Variants in FAM171A1 observed in about 807,000 individuals in gnomAD.
FAM171A1 encodes the protein protein FAM171A1.
FAM171A1 carries 23 observed loss-of-function variants against 74.9 expected under a neutral mutation model. The observed-to-expected ratio is 0.31, with a 90% CI of 0.22 to 0.44. FAM171A1 has a LOEUF of 0.44. Among genes scored for constraint, FAM171A1 ranks in the 20% least tolerant of loss-of-function variants. The pLI, the probability that FAM171A1 is intolerant of heterozygous loss-of-function variation, is 1.00. For missense variants in FAM171A1, 1,162 were observed against 1,159.2 expected, an observed-to-expected ratio of 1.00 and a Z score of -0.03; for synonymous variants, 527 against 505.7, an observed-to-expected ratio of 1.04 and a Z score of -0.57.
intron 1 of FAM171A1, among the ~76,000 whole-genome samples, chr10:15,314,405 T>C (rs759855323): frequency 5.3e-5 from 8 of 152,202 alleles, no homozygotes; most frequent in Non-Finnish European, 1.0e-4. Flanking sequence ...TCTATTTCTA[T>C]GTCTTTTTGA....
Position 15,214,193 on chromosome 10 carries a change from G to A in FAM171A1, c.1395C>T (p.Pro465=). ...KDYHKSVEVF[P]LKARKSMERE... is the part of the protein sequence containing the mutation. Reference sequence around the variant, plus strand: ...TTTCCATAGATTTTCTTGCCTTTAAGGGAAAAACCTCCACTGACTTATGGT... The same window carrying A: ...TTTCCATAGATTTTCTTGCCTTTAAAGGAAAAACCTCCACTGACTTATGGT... Residue 465 remains proline (P), a synonymous_variant, in exon 8 of 8, where the codon CCC becomes CCT. Coordinates refer to ENST00000378116, the MANE Select transcript of FAM171A1 (RefSeq NM_001010924.2). 6.2e-7 allele frequency: 1 copy of A among 1,614,080 alleles called. No homozygotes were observed. Among genetic ancestry groups the A allele is most frequent in the Non-Finnish European group, 8.5e-7 (1 of 1,180,018 alleles).
intron 3 of FAM171A1, among the ~76,000 whole-genome samples, chr10:15,270,246 A>C (rs1474743389): frequency 6.6e-6 from 1 of 152,220 alleles, no homozygotes; most frequent in Non-Finnish European, 1.5e-5. Context: ...TGCCTGGCTC[A>C]GAGGGTCCCA....
At chr10:15,365,052 C>T (rs1836042277) in intron 1 of FAM171A1, among the ~76,000 whole-genome samples, 1 of 152,160 alleles carries the variant, frequency 6.6e-6, no homozygotes, top group Admixed American at 6.5e-5. Context: ...GGCCATTATT[C>T]TACTACCACA....
chr10:15,246,341 G>C (rs761831302), intron 5 of FAM171A1, among the ~76,000 whole-genome samples: 19 of 152,154 alleles, frequency 1.2e-4, no homozygotes, highest in Admixed American at 4.6e-4. Context: ...GTAAAAATAA[G>C]ACAAAACAAA....
At chr10:15,299,380 G>T (rs963062586) in intron 1 of FAM171A1, among the ~76,000 whole-genome samples, 1 of 152,190 alleles carries the variant, frequency 6.6e-6, no homozygotes, top group South Asian at 2.1e-4. Flanking sequence ...AGGCACCAGT[G>T]GAACGGTTGC....
intron 1 of FAM171A1, among the ~76,000 whole-genome samples, chr10:15,304,823 G>A (rs1835274409): frequency 6.6e-6 from 1 of 152,192 alleles, no homozygotes; most frequent in Non-Finnish European, 1.5e-5. Flanking sequence ...TGCAACCTCT[G>A]CCTTCCAGGT....
At chr10:15,350,219 A>G (rs966227582) in intron 1 of FAM171A1, among the ~76,000 whole-genome samples, 4 of 152,290 alleles carry the variant, frequency 2.6e-5, no homozygotes, top group African/African-American at 9.6e-5. Flanking sequence ...AAACTTAGAC[A>G]TCTTAGTTGT....
intron 2 of FAM171A1, among the ~76,000 whole-genome samples, chr10:15,280,632 A>T (rs1194741327): frequency 6.6e-6 from 1 of 152,224 alleles, no homozygotes; most frequent in East Asian, 1.9e-4. Context: ...GTTAAGGATG[A>T]AAAAGGAAAT....
intron 5 of FAM171A1, among the ~76,000 whole-genome samples, chr10:15,238,965 CTTTAT>C (rs1309884645): frequency 2.6e-5 from 4 of 152,168 alleles, no homozygotes; most frequent in Non-Finnish European, 4.4e-5. Context: ...ATCCGTAAAT[CTTTAT>C]TTATTCTTTT....
chr10:15,214,638 T>C, intron 7 of FAM171A1, 37 bp from the exon 8 acceptor site: 1 of 1,511,628 alleles, frequency 6.6e-7, no homozygotes, highest in African/African-American at 1.4e-5. Flanking sequence ...CAAAGATTAG[T>C]GATTCTCACA....
rs1426274100 is a variant in FAM171A1 at position 15,357,823 on chromosome 10, G to A, written c.97+13133C>T. ...ATTACAGAGCCTAAGTGATGTGTAT[G>A]GGTATTCACTGCAAAATTTTTTCCG... On this transcript the variant is annotated intron_variant, in intron 1 of 7. Coordinates refer to ENST00000378116, the MANE Select transcript of FAM171A1 (RefSeq NM_001010924.2). Among the ~76,000 whole-genome samples the A allele has an allele frequency of 2.6e-5, 4 of 152,158 alleles. No individual in the cohort carries two copies. The East Asian group carries it at 7.7e-4, about 29-fold the overall frequency.
chr10:15,266,539 T>C (rs1834743689), intron 3 of FAM171A1, among the ~76,000 whole-genome samples: 1 of 151,516 alleles, frequency 6.6e-6, no homozygotes, highest in Non-Finnish European at 1.5e-5. Context: ...GAAACTGAGG[T>C]AGACCAGAAC....
At chr10:15,283,766 G>A in intron 2 of FAM171A1, 112 bp downstream of exon 2, 1 of 1,009,468 alleles carries the variant, frequency 9.9e-7, no homozygotes, top group East Asian at 2.6e-5. Context: ...AAATTTTTTT[G>A]TAGAGATGCA....
intron 1 of FAM171A1, among the ~76,000 whole-genome samples, chr10:15,292,385 CT>C (rs1325281540): frequency 6.6e-6 from 1 of 152,200 alleles, no homozygotes; most frequent in Non-Finnish European, 1.5e-5. Context: ...GCCATTCTTT[CT>C]TTCATGCATT....
intron 1 of FAM171A1, among the ~76,000 whole-genome samples, chr10:15,310,024 C>A (rs1396626894): frequency 6.6e-6 from 1 of 152,180 alleles, no homozygotes; most frequent in African/African-American, 2.4e-5. Flanking sequence ...GTGTAGGACG[C>A]ACTAGCCTAA....
intron 1 of FAM171A1, among the ~76,000 whole-genome samples, chr10:15,321,254 G>A (rs1044930643): frequency 2.0e-5 from 3 of 152,120 alleles, no homozygotes; most frequent in Non-Finnish European, 2.9e-5. Context: ...TTAGGTAAGC[G>A]CAAGTTAACT....
intron 2 of FAM171A1, among the ~76,000 whole-genome samples, chr10:15,276,181 C>CTT (rs1194123903): frequency 1.3e-5 from 2 of 149,226 alleles, no homozygotes; most frequent in African/African-American, 4.9e-5. Context: ...TAGAAGTTTT[C>CTT]TTTTTTTTTT....
chr10:15,226,784 C>A (rs905030709), intron 5 of FAM171A1, among the ~76,000 whole-genome samples: 2 of 151,892 alleles, frequency 1.3e-5, no homozygotes, highest in African/African-American at 4.8e-5. Flanking sequence ...GCTGAATACT[C>A]CCCCCTACCC....
intron 1 of FAM171A1, among the ~76,000 whole-genome samples, chr10:15,350,643 TTCTC>T (rs764710865): frequency 3.1e-4 from 46 of 150,216 alleles, no homozygotes; most frequent in African/African-American, 1.0e-3. Flanking sequence ...GCCCAGCCAA[TTCTC>T]TCTTTTTTTT....
Sources: allele counts gnomAD v4.1 joint callset (sites outside exome capture counted in the v4.1 genomes callset), GRCh38; gene constraint gnomAD v4.1.1; transcripts MANE v1.5; gene names NCBI Gene and HGNC (gene_info 2026-07-23, HGNC 2026-07-21).